Variants in SOS1 observed in about 807,000 individuals in gnomAD.
The protein encoded by SOS1 is son of sevenless homolog 1.
SOS1 carries 25 observed loss-of-function variants against 157.6 expected under a neutral mutation model. That is an observed-to-expected ratio of 0.16 (90% confidence interval 0.12 to 0.22). The LOEUF (loss-of-function observed/expected upper bound fraction) is 0.22. SOS1 is among the 10% of genes least tolerant of loss of function. The pLI is 1.00. For missense variants in SOS1, 1,237 were observed against 1,599.1 expected, an observed-to-expected ratio of 0.77 and a Z score of 3.86; for synonymous variants, 528 against 534.0, an observed-to-expected ratio of 0.99 and a Z score of 0.16.
chr2:39,005,302 C>A (rs1367759129), intron 17 of SOS1, among the ~76,000 whole-genome samples: 1 of 152,118 alleles, frequency 6.6e-6, no homozygotes, highest in East Asian at 1.9e-4. Context: ...TACTGTAATT[C>A]CTCCTCTGGT....
intron 6 of SOS1, among the ~76,000 whole-genome samples, chr2:39,050,660 G>A (rs1670979325): frequency 6.6e-6 from 1 of 152,150 alleles, no homozygotes; most frequent in Non-Finnish European, 1.5e-5. Context: ...AGATTTTGGA[G>A]CATTTCATAT....
chr2:39,002,263 T>C (rs1669127618), intron 17 of SOS1, among the ~76,000 whole-genome samples: 1 of 151,836 alleles, frequency 6.6e-6, no homozygotes. Flanking sequence ...AGGCAGAGGT[T>C]GCAGTGAGCC....
rs566380570 is a variant in SOS1, at chr2:39,087,091, G to A, written c.88-19338C>T. On this transcript the variant is annotated intron_variant, in intron 1 of 22. Transcript: ENST00000402219. ...AGCCTCCCAAAGTGCTGGGATTATA[G>A]GCATGATCCACTGCATCTGGTGACA... 5.9e-5 allele frequency among the ~76,000 whole-genome samples: 9 copies of A among 152,252 alleles called. No homozygotes were observed. In the East Asian group the frequency reaches 1.4e-3, roughly 23 times the overall value.
At chr2:39,064,558 G>C (rs990257896) in intron 2 of SOS1, among the ~76,000 whole-genome samples, 63 of 152,062 alleles carry the variant, frequency 4.1e-4, no homozygotes, top group Admixed American at 3.1e-3. Flanking sequence ...TCACCATGCT[G>C]TACAATAGGG....
intron 16 of SOS1, 121 bp downstream of exon 16, chr2:39,006,910 T>C: frequency 1.3e-6 from 1 of 747,062 alleles, no homozygotes; most frequent in South Asian, 1.6e-5. Flanking sequence ...TAATTCAGTC[T>C]TTTAATCTAC....
At chr2:39,036,851 A>C (rs1307083659) in intron 6 of SOS1, among the ~76,000 whole-genome samples, 3 of 152,022 alleles carry the variant, frequency 2.0e-5, no homozygotes, top group Non-Finnish European at 4.4e-5. Flanking sequence ...CTAGGATTAC[A>C]GGTGTGAGCC....
chr2:39,043,108 A>G (rs181462422), intron 6 of SOS1, among the ~76,000 whole-genome samples: 1 of 152,268 alleles, frequency 6.6e-6, no homozygotes, highest in East Asian at 1.9e-4. Flanking sequence ...AACTATTATT[A>G]TATCTCTTAC....
intron 6 of SOS1, among the ~76,000 whole-genome samples, chr2:39,039,328 A>G (rs1389839061): frequency 1.3e-5 from 2 of 152,198 alleles, no homozygotes; most frequent in Non-Finnish European, 2.9e-5. Flanking sequence ...ATATGCATGA[A>G]TATTTTTTAG....
intron 1 of SOS1, among the ~76,000 whole-genome samples, chr2:39,100,347 A>G (rs1281610139): frequency 6.6e-6 from 1 of 152,254 alleles, no homozygotes; most frequent in Non-Finnish European, 1.5e-5. Flanking sequence ...TGGTAGAGAT[A>G]TCTGTGCTAC....
At chr2:39,047,691 C>T (rs116804952) in intron 6 of SOS1, among the ~76,000 whole-genome samples, 97 of 152,144 alleles carry the variant, frequency 6.4e-4, no homozygotes, top group African/African-American at 2.2e-3. Flanking sequence ...TTTTCTTTTC[C>T]AGACAGTCTC....
chr2:39,034,620 CCCTTT>C (rs1347789482), intron 8 of SOS1, among the ~76,000 whole-genome samples: 1 of 152,052 alleles, frequency 6.6e-6, no homozygotes, highest in African/African-American at 2.4e-5. Context: ...AAGAGACAAC[CCCTTT>C]CCTTTCAGTC....
chr2:39,080,032 G>A (rs1672146750), intron 1 of SOS1, among the ~76,000 whole-genome samples: 2 of 151,846 alleles, frequency 1.3e-5, no homozygotes, highest in Admixed American at 6.6e-5. Context: ...TGGGGAGGAT[G>A]GTTTCGGGAT....
intron 1 of SOS1, among the ~76,000 whole-genome samples, chr2:39,119,342 G>C (rs2148240911): frequency 6.6e-6 from 1 of 152,308 alleles, no homozygotes. Flanking sequence ...AAGAGGGACC[G>C]GAGGAGAACA....
chr2:39,019,600 TCCAC>T (rs1260073435), intron 10 of SOS1, among the ~76,000 whole-genome samples: 1 of 151,694 alleles, frequency 6.6e-6, no homozygotes, highest in Non-Finnish European at 1.5e-5. Context: ...TAAATTAGAT[TCCAC>T]CTAAGACCCT....
chr2:39,028,910 G>T (rs1456273843), intron 8 of SOS1, among the ~76,000 whole-genome samples: 1 of 152,176 alleles, frequency 6.6e-6, no homozygotes, highest in Admixed American at 6.6e-5. Context: ...CACCACAGTG[G>T]ATTACAACAT....
At chr2:39,003,596 A>G (rs1020549992) in intron 17 of SOS1, among the ~76,000 whole-genome samples, 12 of 152,236 alleles carry the variant, frequency 7.9e-5, no homozygotes, top group African/African-American at 2.9e-4. Context: ...CTTAATGAAT[A>G]CCATTCAAAC....
intron 17 of SOS1, among the ~76,000 whole-genome samples, chr2:38,998,439 C>CG (rs1428142333): frequency 3.9e-5 from 6 of 152,044 alleles, no homozygotes; most frequent in African/African-American, 1.4e-4. Flanking sequence ...TTAGTAGAGA[C>CG]GGGGTTTCAC....
intron 15 of SOS1, among the ~76,000 whole-genome samples, chr2:39,010,208 C>T (rs1669415467): frequency 6.6e-6 from 1 of 151,116 alleles, no homozygotes. Context: ...TGCAGCTACT[C>T]AGGAGGCTGA....
chr2:39,003,060 T>G (rs936330614), intron 17 of SOS1, among the ~76,000 whole-genome samples: 2 of 18,374 alleles, frequency 1.1e-4, no homozygotes, highest in African/African-American at 1.4e-3. Flanking sequence ...AAGTGAGACC[T>G]TGTATCAAAA....
Sources: gnomAD v4.1 joint callset for allele counts (sites outside exome capture counted in the v4.1 genomes callset) on GRCh38, gnomAD v4.1.1 for gene constraint, MANE v1.5 for transcripts, NCBI Gene and HGNC (gene_info 2026-07-23, HGNC 2026-07-21) for gene names.